Variants in PSD3 observed in about 807,000 individuals in gnomAD.
The protein encoded by PSD3 is PH and SEC7 domain-containing protein 3.
PSD3 carries 49 observed loss-of-function variants against 105.5 expected under a neutral mutation model. The observed-to-expected ratio is 0.46, with a 90% CI of 0.37 to 0.59. PSD3 has a LOEUF of 0.59. PSD3 is among the 20% of genes least tolerant of loss of function. The pLI is 0.00. For missense variants in PSD3, 1,561 were observed against 1,263.8 expected, an observed-to-expected ratio of 1.24 and a Z score of -3.57; for synonymous variants, 557 against 457.8, an observed-to-expected ratio of 1.22 and a Z score of -2.77.
chr8:19,000,295 G>A (rs1826302971), intron 1 of PSD3, among the ~76,000 whole-genome samples: 1 of 151,410 alleles, frequency 6.6e-6, no homozygotes, highest in Admixed American at 6.6e-5. Context: ...TACTTGGGAG[G>A]CTGAGGTGGG....
chr8:18,804,377 C>T, intron 6 of PSD3, 145 bp downstream of exon 6: 2 of 699,996 alleles, frequency 2.9e-6, no homozygotes, highest in Non-Finnish European at 4.6e-6. Flanking sequence ...CACTTATGGA[C>T]CCAAACATTT....
At chr8:18,788,363 A>G (rs1011390503) in intron 8 of PSD3, among the ~76,000 whole-genome samples, 2 of 152,222 alleles carry the variant, frequency 1.3e-5, no homozygotes, top group Non-Finnish European at 2.9e-5. Context: ...GAAACCGTAT[A>G]CAAGCTTCGG....
At chr8:19,007,478 A>G (rs892150467) in intron 1 of PSD3, among the ~76,000 whole-genome samples, 3 of 152,126 alleles carry the variant, frequency 2.0e-5, no homozygotes, top group Non-Finnish European at 4.4e-5. Flanking sequence ...ATCTTATTGG[A>G]CAGGGCAAAT....
At chr8:18,728,537 G>T (rs971555608) in intron 9 of PSD3, among the ~76,000 whole-genome samples, 1 of 152,138 alleles carries the variant, frequency 6.6e-6, no homozygotes, top group African/African-American at 2.4e-5. Flanking sequence ...AGACTTAGAG[G>T]CAAGACAGAG....
chr8:18,751,021 C>A (rs1805440174), intron 9 of PSD3, among the ~76,000 whole-genome samples: 3 of 152,152 alleles, frequency 2.0e-5, no homozygotes, highest in Admixed American at 2.0e-4. Flanking sequence ...GAGCTGCCTG[C>A]CAGTCCTGCG....
chr8:18,536,264 G>C (rs1799842839), intron 15 of PSD3, among the ~76,000 whole-genome samples: 1 of 152,232 alleles, frequency 6.6e-6, no homozygotes, highest in African/African-American at 2.4e-5. Flanking sequence ...TCAGGCATGA[G>C]AAGGGTCTAA....
Position 18,657,204 on chromosome 8 carries a change from G to A in PSD3, c.2173-1519C>T, listed in dbSNP as rs991661328. On this transcript the variant is annotated intron_variant, in intron 9 of 15. Transcript: ENST00000327040. Reference sequence around the variant, plus strand: ...AACTGCCTTGTATTTCTATCCTTTCGCCCTTAACATTGTCTCATTCAAGTG... The same window carrying A: ...AACTGCCTTGTATTTCTATCCTTTCACCCTTAACATTGTCTCATTCAAGTG... 2.0e-5 allele frequency among the ~76,000 whole-genome samples: 3 copies of A among 152,148 alleles called. No individual in the cohort carries two copies. In the East Asian group the frequency reaches 5.8e-4, roughly 29 times the overall value.
chr8:18,824,666 T>G (rs1813031444), intron 4 of PSD3, among the ~76,000 whole-genome samples: 1 of 152,218 alleles, frequency 6.6e-6, no homozygotes, highest in Non-Finnish European at 1.5e-5. Context: ...AGGCATACAC[T>G]TTATTATCTA....
At chr8:19,081,834 A>T (rs920265436) in intron 1 of PSD3, among the ~76,000 whole-genome samples, 3 of 152,176 alleles carry the variant, frequency 2.0e-5, no homozygotes, top group African/African-American at 7.2e-5. Context: ...TTCCAAATTG[A>T]CACTAGGACC....
intron 1 of PSD3, among the ~76,000 whole-genome samples, chr8:19,055,414 C>A (rs2129477342): frequency 6.6e-6 from 1 of 152,278 alleles, no homozygotes; most frequent in Admixed American, 6.5e-5. Flanking sequence ...CCACGACGCT[C>A]AGCTAATTGT....
intron 1 of PSD3, among the ~76,000 whole-genome samples, chr8:19,070,055 C>T (rs1380587705): frequency 1.3e-5 from 2 of 151,678 alleles, no homozygotes; most frequent in East Asian, 3.9e-4. Flanking sequence ...GGCGATTCTC[C>T]TGCCTCAGCC....
chr8:18,564,724 A>T (rs1801623027), intron 14 of PSD3, among the ~76,000 whole-genome samples: 2 of 151,954 alleles, frequency 1.3e-5, no homozygotes, highest in African/African-American at 4.8e-5. Flanking sequence ...TGAAGGAAGC[A>T]ACTACAAGAA....
At chr8:19,074,783 G>A (rs1408871067) in intron 1 of PSD3, among the ~76,000 whole-genome samples, 1 of 150,896 alleles carries the variant, frequency 6.6e-6, no homozygotes, top group Non-Finnish European at 1.5e-5. Flanking sequence ...ACCACACCGG[G>A]CTAATTTTTT....
intron 10 of PSD3, among the ~76,000 whole-genome samples, chr8:18,654,861 G>A (rs1045609946): frequency 6.6e-6 from 1 of 152,070 alleles, no homozygotes; most frequent in Non-Finnish European, 1.5e-5. Flanking sequence ...GTATCTATCA[G>A]TGTCCTAGTA....
intron 1 of PSD3, among the ~76,000 whole-genome samples, chr8:19,080,199 G>C (rs1354889954): frequency 1.3e-5 from 2 of 152,148 alleles, no homozygotes; most frequent in Non-Finnish European, 2.9e-5. Flanking sequence ...AAAATAAATT[G>C]TTTTAATACT....
intron 14 of PSD3, among the ~76,000 whole-genome samples, chr8:18,562,931 G>C (rs10547525): frequency 8.1e-4 from 1 of 1,236 alleles, no homozygotes. Flanking sequence ...AAAAGAAAAA[G>C]AAAAAACAAA....
intron 9 of PSD3, among the ~76,000 whole-genome samples, chr8:18,724,748 T>C (rs1231283022): frequency 6.6e-6 from 1 of 152,040 alleles, no homozygotes; most frequent in Non-Finnish European, 1.5e-5. Context: ...TAACAAATGA[T>C]TCAAGAACAA....
chr8:18,586,431 G>C (rs1474131113), intron 12 of PSD3, among the ~76,000 whole-genome samples: 1 of 152,128 alleles, frequency 6.6e-6, no homozygotes, highest in Non-Finnish European at 1.5e-5. Flanking sequence ...TTCTATATGG[G>C]TAAAAATCAT....
At chr8:18,661,985 C>T (rs1420568724) in intron 9 of PSD3, among the ~76,000 whole-genome samples, 1 of 149,508 alleles carries the variant, frequency 6.7e-6, no homozygotes, top group Non-Finnish European at 1.5e-5. Flanking sequence ...ATAGAACATG[C>T]TTGAATTTTT....
Sources: gnomAD v4.1 joint callset for allele counts (sites outside exome capture counted in the v4.1 genomes callset) on GRCh38, gnomAD v4.1.1 for gene constraint, MANE v1.5 for transcripts, NCBI Gene and HGNC (gene_info 2026-07-23, HGNC 2026-07-21) for gene names.